Variants in ATR observed in about 807,000 individuals in gnomAD.
The protein encoded by ATR is ATR checkpoint kinase, also known as serine/threonine-protein kinase ATR.
In ATR, 142 loss-of-function variants were observed where a neutral mutation model predicts 305.3. The observed-to-expected ratio is 0.47, with a 90% confidence interval of 0.41 to 0.53. ATR has a LOEUF of 0.53. Ranked by LOEUF, ATR falls within the 20% of genes least tolerant of loss-of-function variation. ATR has a pLI of 0.00. For synonymous variants in ATR, 1,050 were observed against 1,068.1 expected (o/e 0.98, Z 0.33); for missense variants, 2,135 against 3,133.1 (o/e 0.68, Z 7.60).
At chr3:142,509,895 C>T (rs560792431) in intron 27 of ATR, among the ~76,000 whole-genome samples, 18 of 152,180 alleles carry the variant, frequency 1.2e-4, no homozygotes, top group African/African-American at 3.6e-4. Context: ...GCAGGTGGAT[C>T]GCCTGAGCGC....
At chr3:142,471,572 A>T (rs1054445126) in intron 36 of ATR, among the ~76,000 whole-genome samples, 1 of 152,176 alleles carries the variant, frequency 6.6e-6, no homozygotes, top group Non-Finnish European at 1.5e-5. Flanking sequence ...AGGTTTTTTT[A>T]AAGGTGCACA....
At position 142,562,083 on chromosome 3, in the gene ATR, G is replaced by GT. The variant is rs201956927; in HGVS notation, c.1170+148_1170+149insA. On this transcript the variant is annotated intron_variant, in intron 4 of 46. Coordinates refer to ENST00000350721, the MANE Select transcript of ATR (RefSeq NM_001184.4). ...TCAAAGTAAAAGTCCATAATAGTGA[G>GT]CCAGACTACACTATGAAAATCATTA... 136,229 of 931,828 alleles carry GT rather than the reference G, an allele frequency of 0.15. 10,352 individuals carry two copies. Among genetic ancestry groups the GT allele is most frequent in the Non-Finnish European group, 0.16 (101,087 of 640,236 alleles). The allele number at this position is 931,828 out of a possible 1,614,324, so 57.7% of individuals were successfully genotyped here. A position where few individuals can be genotyped will look rare whatever the true frequency, so the allele number is the denominator to read the frequency against.
chr3:142,576,412 G>A (rs1025601061), intron 1 of ATR, among the ~76,000 whole-genome samples: 3 of 152,160 alleles, frequency 2.0e-5, no homozygotes, highest in Admixed American at 6.5e-5. Flanking sequence ...AAAGCCATGA[G>A]ATTAGGTAAG....
intron 36 of ATR, among the ~76,000 whole-genome samples, chr3:142,471,917 T>C (rs1278555123): frequency 6.6e-6 from 1 of 152,220 alleles, no homozygotes; most frequent in African/African-American, 2.4e-5. Context: ...ATCACCATTC[T>C]ACTCTCTAGT....
intron 1 of ATR, among the ~76,000 whole-genome samples, chr3:142,568,383 G>A (rs1187921797): frequency 1.3e-5 from 2 of 152,196 alleles, no homozygotes; most frequent in African/African-American, 2.4e-5. Context: ...GCCTAGACCT[G>A]AACTTCTCAA....
rs1481927929 is a variant in ATR, at chr3:142,513,536, C to T, written c.4606G>A (p.Val1536Ile). The change falls in exon 26 of 47, where the codon GTC (valine) becomes ATC (isoleucine). Residue 1536 changes from valine (V) to isoleucine (I), a missense_variant. Physicochemically the swap from Val to Ile is conservative, Grantham distance 29. Transcript: ENST00000350721. ...IYLLPHILVY[V>I]LLGCNQEDQQ... ...TCTTCTTGATTACAACCCAGTAAGA[C>T]ATACACCAGAATATGTGGAAGAAGA... 1 of 1,613,442 alleles carries T rather than the reference C, an allele frequency of 6.2e-7. No homozygotes were observed. Among genetic ancestry groups the T allele is most frequent in the Non-Finnish European group, 8.5e-7 (1 of 1,179,548 alleles).
At chr3:142,558,328 G>C (rs1021042897) in intron 8 of ATR, among the ~76,000 whole-genome samples, 1 of 151,872 alleles carries the variant, frequency 6.6e-6, no homozygotes. Flanking sequence ...TTCGAGACCA[G>C]CCTGGCTAAC....
intron 24 of ATR, among the ~76,000 whole-genome samples, chr3:142,517,006 T>TAC (rs1553763017): frequency 1.1e-4 from 16 of 148,256 alleles, no homozygotes; most frequent in Non-Finnish European, 1.5e-4. Flanking sequence ...TATATATATA[T>TAC]ACATATTTCA....
rs1336547637 is a variant in ATR, at chr3:142,566,009, G to A, written c.292+112C>T. ...TACCATTTTGCTCCTTCAATTTATAGCAAAGCTGACCCAAAAAAGTATAAT... is the reference window on the plus strand; with the variant it reads ...TACCATTTTGCTCCTTCAATTTATAACAAAGCTGACCCAAAAAAGTATAAT... On this transcript the variant is annotated intron_variant, in intron 3 of 46. Transcript: ENST00000350721. 6 of 1,448,318 alleles carry A rather than the reference G, an allele frequency of 4.1e-6. No homozygotes were observed. The African/African-American group carries it at 5.6e-5, about 14-fold the overall frequency. The allele number at this position is 1,448,318 out of a possible 1,614,324, so 89.7% of individuals were successfully genotyped here. A position where few individuals can be genotyped will look rare whatever the true frequency, so the allele number is the denominator to read the frequency against.
chr3:142,565,877 C>T (rs1199109077), intron 3 of ATR, among the ~76,000 whole-genome samples: 1 of 151,630 alleles, frequency 6.6e-6, no homozygotes, highest in African/African-American at 2.4e-5. Flanking sequence ...AAAAGAAAAC[C>T]ATGCCAAAGT....
At chr3:142,462,929 G>C (rs2071051558) in intron 41 of ATR, among the ~76,000 whole-genome samples, 1 of 152,084 alleles carries the variant, frequency 6.6e-6, no homozygotes, top group Non-Finnish European at 1.5e-5. Context: ...TGATATATCA[G>C]GTGGAAATAA....
intron 8 of ATR, among the ~76,000 whole-genome samples, chr3:142,556,979 C>A (rs1361788352): frequency 6.6e-6 from 1 of 152,110 alleles, no homozygotes; most frequent in East Asian, 1.9e-4. Context: ...CTTTGGAGAA[C>A]AATACAGCAG....
At chr3:142,477,437 G>T (rs2029950761) in intron 36 of ATR, among the ~76,000 whole-genome samples, 1 of 152,208 alleles carries the variant, frequency 6.6e-6, no homozygotes, top group Non-Finnish European at 1.5e-5. Context: ...TCCCAGGGAT[G>T]AAGCCCACTT....
chr3:142,458,857 G>T, intron 44 of ATR, 101 bp downstream of exon 44: 1 of 1,326,660 alleles, frequency 7.5e-7, no homozygotes, highest in South Asian at 1.2e-5. Flanking sequence ...ACTCAACTGT[G>T]AGTATAACTG....
intron 15 of ATR, among the ~76,000 whole-genome samples, chr3:142,548,924 T>A (rs917599949): frequency 6.6e-6 from 1 of 152,138 alleles, no homozygotes; most frequent in African/African-American, 2.4e-5. Flanking sequence ...ACAAATTAAG[T>A]AAATTAACAT....
chr3:142,499,725 A>G lies in ATR; in HGVS notation c.5289-7T>C. 4 of 1,612,804 alleles carry G rather than the reference A, an allele frequency of 2.5e-6. No individual in the cohort carries two copies. The highest frequency in any genetic ancestry group is 3.4e-6 in the Non-Finnish European group (4 of 1,178,812). ...TTCATCTGTCCACTCGGACCTATTA[A>G]AAGAAACCCATATCAACTAAACTTT... is the stretch of plus-strand genomic sequence containing the variant. On this transcript the variant is annotated splice_region_variant and splice_polypyrimidine_tract_variant and intron_variant, in intron 30 of 46. Coordinates refer to ENST00000350721, the MANE Select transcript of ATR (RefSeq NM_001184.4).
chr3:142,518,792 T>C (rs1301231581), intron 24 of ATR, among the ~76,000 whole-genome samples: 1 of 152,162 alleles, frequency 6.6e-6, no homozygotes, highest in African/African-American at 2.4e-5. Context: ...CAAAAAGTAG[T>C]TTCTAAATAG....
chr3:142,577,306 A>C (rs1468319174), intron 1 of ATR, among the ~76,000 whole-genome samples: 1 of 152,240 alleles, frequency 6.6e-6, no homozygotes, highest in Non-Finnish European at 1.5e-5. Flanking sequence ...GGAGGAAGAC[A>C]GAAGAGGGAA....
Position 142,562,410 on chromosome 3 carries a change from T to C in ATR, c.992A>G (p.Asp331Gly), listed in dbSNP as rs150008448. The change falls in exon 4 of 47, where the codon GAC (aspartate) becomes GGC (glycine). Residue 331 changes from aspartate (D) to glycine (G), a missense_variant. This residue lies in a region of ATR where 744 missense variants were observed against 873.2 expected (regional missense o/e 0.85). Coordinates refer to ENST00000350721, the MANE Select transcript of ATR (RefSeq NM_001184.4). ...AGACTTAAGCCGCATGAGCACACCG[T>C]CTTCAAACATGACACAGAGTTTTTC... is the stretch of plus-strand genomic sequence containing the variant. The part of the protein sequence containing the change: ...LLEKLCVMFE[D>G]GVLMRLKSDL... The C allele has an allele frequency of 1.3e-3, 2,055 of 1,614,116 alleles. 3 individuals carry two copies. Among genetic ancestry groups the C allele is most frequent in the Non-Finnish European group, 1.1e-3 (1,352 of 1,179,990 alleles).
Sources: gnomAD v4.1 joint callset for allele counts (sites outside exome capture counted in the v4.1 genomes callset) on GRCh38, gnomAD v4.1.1 for gene constraint, gnomAD v4.1.1 regional missense constraint, MANE v1.5 for transcripts, NCBI Gene and HGNC (gene_info 2026-07-23, HGNC 2026-07-21) for gene names.